The following EIF4ENIF1 variants were observed in gnomAD, a reference collection of about 807,000 sequenced individuals.
EIF4ENIF1 encodes eukaryotic translation initiation factor 4E transporter.
EIF4ENIF1 carries 23 observed loss-of-function variants against 110.5 expected under a neutral mutation model. That is an observed-to-expected ratio of 0.21 (90% confidence interval 0.15 to 0.29). The LOEUF is 0.29. EIF4ENIF1 is among the 10% of genes least tolerant of loss of function. The probability of loss-of-function intolerance (pLI) is 1.00; values close to 1 mark genes in which losing one functional copy is unlikely to be tolerated. For missense variants in EIF4ENIF1, 1,031 were observed against 1,221.1 expected (o/e 0.84, Z 2.32); for synonymous variants, 440 against 437.0 (o/e 1.01, Z -0.09).
At chr22:31,448,387 A>C (rs2012451) in intron 12 of EIF4ENIF1, among the ~76,000 whole-genome samples, 155 bp from the exon 13 acceptor site, 64,997 of 152,070 alleles carry the variant, frequency 0.43, 14,408 homozygotes, top group Middle Eastern at 0.57. Flanking sequence ...GTGCCCCAAC[A>C]GTGGGCTATG....
intron 2 of EIF4ENIF1, among the ~76,000 whole-genome samples, chr22:31,486,058 T>C (rs1167639303): frequency 6.8e-6 from 1 of 147,130 alleles, no homozygotes; most frequent in African/African-American, 2.5e-5. Context: ...ACCAGCGAGG[T>C]CAGGAGTTTG....
Position 31,458,588 on chromosome 22 carries a change from C to T in EIF4ENIF1, c.850G>A (p.Glu284Lys). The change falls in exon 7 of 19, where the codon GAG (glutamate) becomes AAG (lysine). Residue 284 changes from glutamate (E) to lysine (K), a missense_variant. Glu to Lys is a moderately conservative substitution (Grantham distance 56). Transcript: ENST00000330125. ...GGCACTTCCTGATCAGCCGCAGGCT[C>T]CTGTGCAAGGATGACCTCCACTTCA... ...EDEVEVILAQ[E>K]PAADQEVPRD... 6.2e-7 allele frequency: 1 copy of T among 1,613,708 alleles called. No individual in the cohort carries two copies. The highest frequency in any genetic ancestry group is 8.5e-7 in the Non-Finnish European group (1 of 1,179,772).
intron 4 of EIF4ENIF1, among the ~76,000 whole-genome samples, chr22:31,467,803 A>C (rs73160632): frequency 0.033 from 4,985 of 152,070 alleles, 116 homozygotes; most frequent in Middle Eastern, 0.051. Context: ...AAAAAAAAAC[A>C]GAACAAAAAA....
At position 31,468,130 on chromosome 22, in the gene EIF4ENIF1, GT is replaced by G. The variant is rs549294147; in HGVS notation, c.298+44del. ...GAATGAAACCAGCAGGCAAAAGCATGTCCCCAAAATCACTAACCCCACTTCT... is the reference window on the plus strand; with the variant it reads ...GAATGAAACCAGCAGGCAAAAGCATGCCCCAAAATCACTAACCCCACTTCT... On this transcript the variant is annotated intron_variant, in intron 4 of 18. Coordinates refer to ENST00000330125, the MANE Select transcript of EIF4ENIF1 (RefSeq NM_019843.4). The G allele has an allele frequency of 2.5e-4, 405 of 1,591,442 alleles. 1 individual carries two copies. In the African/African-American group the frequency reaches 4.9e-3, roughly 19 times the overall value.
At chr22:31,478,595 ATCACGAGG>A (rs949757057) in intron 2 of EIF4ENIF1, among the ~76,000 whole-genome samples, 114 of 150,750 alleles carry the variant, frequency 7.6e-4, no homozygotes, top group Middle Eastern at 3.5e-3. Context: ...AGGCGGGCGG[ATCACGAGG>A]TCACGAGATC....
chr22:31,493,102 C>T (rs1304059376), upstream of EIF4ENIF1, among the ~76,000 whole-genome samples: 5 of 150,498 alleles, frequency 3.3e-5, no homozygotes, highest in Admixed American at 6.6e-5. Context: ...AGCGTAATCT[C>T]GGCTCACTGC....
At chr22:31,456,343 C>G (rs557902976) in intron 7 of EIF4ENIF1, among the ~76,000 whole-genome samples, 3 of 151,612 alleles carry the variant, frequency 2.0e-5, no homozygotes, top group East Asian at 3.9e-4. Context: ...CCTGCCTCAG[C>G]CTCCTGAGTA....
chr22:31,480,944 TC>T (rs1438176595), intron 2 of EIF4ENIF1, among the ~76,000 whole-genome samples: 1 of 152,022 alleles, frequency 6.6e-6, no homozygotes, highest in Non-Finnish European at 1.5e-5. Flanking sequence ...ACACCTGTAA[TC>T]CCAACTACTC....
In EIF4ENIF1 at chr22:31,439,705, C is replaced by T. The variant is rs988330091; in HGVS notation, c.*175G>A. ...GTATTCAGACAATGTACACTCCACT[C>T]GACTGGTTAAGATCCTTCCATCATA... is the stretch of plus-strand genomic sequence containing the variant. On this transcript the variant is annotated 3_prime_UTR_variant, in exon 19 of 19. Transcript: ENST00000330125. The T allele has an allele frequency of 6.0e-6, 5 of 839,576 alleles. No individual in the cohort carries two copies. Among genetic ancestry groups the T allele is most frequent in the Non-Finnish European group, 8.9e-6 (5 of 559,078 alleles). The allele number at this position is 839,576 out of a possible 1,614,324, so 52.0% of individuals were successfully genotyped here.
In EIF4ENIF1 at chr22:31,439,754, G is replaced by A; in HGVS notation, c.*126C>T. 7.3e-7 allele frequency: 1 copy of A among 1,367,140 alleles called. No individual in the cohort carries two copies. Among genetic ancestry groups the A allele is most frequent in the Non-Finnish European group, 9.8e-7 (1 of 1,020,624 alleles). 84.7% of individuals were successfully genotyped at this position (1,367,140 alleles called of 1,614,324 possible). On this transcript the variant is annotated 3_prime_UTR_variant, in exon 19 of 19. Transcript: ENST00000330125. The stretch of plus-strand genomic sequence containing the variant: ...TAATGCGGACCACACCAGATGCATG[G>A]GTTCCACCAAACAGCTTCACACAGA...
In EIF4ENIF1 at chr22:31,480,709, C is replaced by T. The variant is rs184298475; in HGVS notation, c.96+7914G>A. ...GGCAGAGGTTGTGGTGAGCCAAGAT[C>T]ACGCCATTGCACTCCAGCCTGGGCA... On this transcript the variant is annotated intron_variant, in intron 2 of 18. Coordinates refer to ENST00000330125, the MANE Select transcript of EIF4ENIF1 (RefSeq NM_019843.4). Among the ~76,000 whole-genome samples the T allele has an allele frequency of 4.3e-4, 66 of 152,068 alleles. 2 individuals are homozygous for T. Among genetic ancestry groups the T allele is most frequent in the African/African-American group, 1.4e-3 (60 of 41,456 alleles).
rs2050711593 is a variant in EIF4ENIF1, at chr22:31,452,712, C to T, written c.1512+1432G>A. ...GAAAATAGGATAGTCTACCATCTTT[C>T]AGTCTGATCTTCATTTGAAAGCATT... On this transcript the variant is annotated intron_variant, in intron 10 of 18. Coordinates refer to ENST00000330125, the MANE Select transcript of EIF4ENIF1 (RefSeq NM_019843.4). Among the ~76,000 whole-genome samples the T allele has an allele frequency of 2.0e-5, 3 of 152,170 alleles. 1 individual carries two copies. The highest frequency in any genetic ancestry group is 2.0e-4 in the Admixed American group (3 of 15,264).
Position 31,454,086 on chromosome 22 carries a change from T to G in EIF4ENIF1, c.1512+58A>C, listed in dbSNP as rs1303819300. ...CTTTTTAAAAATCCTTTTATTGTGG[T>G]GGGAAAAAGAAGAAAAAAAAAGGAG... is the stretch of plus-strand genomic sequence containing the variant. On this transcript the variant is annotated intron_variant, in intron 10 of 18. Transcript: ENST00000330125. The G allele has an allele frequency of 2.0e-6, 3 of 1,476,248 alleles. No individual in the cohort carries two copies. The East Asian group carries it at 6.9e-5, about 34-fold the overall frequency. The allele number at this position is 1,476,248 out of a possible 1,614,324, so 91.4% of individuals were successfully genotyped here.
chr22:31,493,184 C>A (rs2052298300), upstream of EIF4ENIF1, among the ~76,000 whole-genome samples: 1 of 152,108 alleles, frequency 6.6e-6, no homozygotes, highest in Non-Finnish European at 1.5e-5. Flanking sequence ...GCGCCCGCCA[C>A]CACGCCCGGC....
intron 18 of EIF4ENIF1, 141 bp downstream of exon 18, chr22:31,440,560 CTTA>C (rs1221776567): frequency 4.7e-6 from 5 of 1,064,056 alleles, no homozygotes; most frequent in Non-Finnish European, 6.7e-6. Context: ...TTTACTTCAT[CTTA>C]TTATCTGGTT....
Position 31,488,667 on chromosome 22 carries a change from G to A in EIF4ENIF1, c.52C>T (p.Leu18=). 1 of 1,614,014 alleles carries A rather than the reference G, an allele frequency of 6.2e-7. No homozygotes were observed. Among genetic ancestry groups the A allele is most frequent in the Non-Finnish European group, 8.5e-7 (1 of 1,180,016 alleles). The change falls in exon 2 of 19, where the codon CTG becomes TTG. Residue 18 remains leucine, a synonymous_variant. Coordinates refer to ENST00000330125, the MANE Select transcript of EIF4ENIF1 (RefSeq NM_019843.4). The part of the protein sequence containing the change: ...ETESGDAFLD[L]KKPPASKCPH... ...CATTTGGAGGCAGGAGGCTTCTTCAGGTCAAGGAAAGCATCTCCACTTTCT... is the reference window on the plus strand; with the variant it reads ...CATTTGGAGGCAGGAGGCTTCTTCAAGTCAAGGAAAGCATCTCCACTTTCT...
intron 2 of EIF4ENIF1, among the ~76,000 whole-genome samples, chr22:31,486,205 G>A (rs980786036): frequency 3.8e-4 from 58 of 152,126 alleles, no homozygotes; most frequent in Admixed American, 1.6e-3. Context: ...CGGAGGCGGA[G>A]ACTGCAGTGA....
intron 14 of EIF4ENIF1, chr22:31,446,964 G>T (rs929058565): frequency 2.1e-5 from 10 of 467,900 alleles, no homozygotes; most frequent in African/African-American, 1.8e-4. Flanking sequence ...AAAAACTGCT[G>T]ATGTAGCAAA....
Position 31,450,367 on chromosome 22 carries a change from G to A in EIF4ENIF1, c.1513-7C>T. 1 of 1,612,144 alleles carries A rather than the reference G, an allele frequency of 6.2e-7. No individual in the cohort carries two copies. The highest frequency in any genetic ancestry group is 8.5e-7 in the Non-Finnish European group (1 of 1,178,618). On this transcript the variant is annotated splice_polypyrimidine_tract_variant and splice_region_variant and intron_variant, in intron 10 of 18. Transcript: ENST00000330125. ...AATGGCTTTCAAGGTTTCGCTAAAA[G>A]AGTCAAAAGAAAACTGGTTTTAACT...
Sources: allele counts gnomAD v4.1 joint callset (sites outside exome capture counted in the v4.1 genomes callset), GRCh38; gene constraint gnomAD v4.1.1; transcripts MANE v1.5; gene names NCBI Gene and HGNC (gene_info 2026-07-23, HGNC 2026-07-21).